Variants in SAMSN1 observed in about 807,000 individuals in gnomAD.
SAMSN1 encodes the protein SAM domain-containing protein SAMSN-1.
In SAMSN1, 31 loss-of-function variants were observed where a neutral mutation model predicts 42.0. The observed-to-expected ratio is 0.74, with a 90% CI of 0.55 to 1.00. The LOEUF (loss-of-function observed/expected upper bound fraction) is 1.00. Ranked by LOEUF, SAMSN1 falls within the 50% of genes least tolerant of loss-of-function variation. SAMSN1 has a pLI of 0.00. For synonymous variants in SAMSN1, 178 were observed against 151.9 expected, an observed-to-expected ratio of 1.17 and a Z score of -1.26; for missense variants, 464 against 439.4, an observed-to-expected ratio of 1.06 and a Z score of -0.50.
intron 2 of SAMSN1, among the ~76,000 whole-genome samples, chr21:14,626,913 A>G (rs373737425): frequency 6.6e-6 from 1 of 152,102 alleles, no homozygotes; most frequent in African/African-American, 2.4e-5. Context: ...TTAAGAAAAT[A>G]TGGCACATAT....
At chr21:14,559,826 A>G (rs977375020) in intron 2 of SAMSN1, among the ~76,000 whole-genome samples, 13 of 152,138 alleles carry the variant, frequency 8.5e-5, no homozygotes, top group Non-Finnish European at 1.3e-4. Flanking sequence ...TCTTTTAGGC[A>G]GACAGAGATA....
chr21:14,641,017 G>C (rs62227247), intron 2 of SAMSN1, among the ~76,000 whole-genome samples: 116,489 of 151,742 alleles, frequency 0.77, 45,206 homozygotes, highest in Middle Eastern at 0.89. Flanking sequence ...TTAAATGTGT[G>C]AGACATTTAA....
rs369316437 is a variant in SAMSN1 at position 14,571,735 on chromosome 21, C to T, written c.261+10401G>A. 2.0e-4 allele frequency among the ~76,000 whole-genome samples: 31 copies of T among 152,162 alleles called. 1 individual carries two copies. The South Asian group carries it at 3.9e-3, about 19-fold the overall frequency. On this transcript the variant is annotated intron_variant, in intron 2 of 8. Transcript: ENST00000285670. Reference sequence around the variant, plus strand: ...AGACACTGTCAATACAGTCACAATTCGGGAGGTCAGAAAAGGGCAACGGTG... The same window carrying T: ...AGACACTGTCAATACAGTCACAATTTGGGAGGTCAGAAAAGGGCAACGGTG...
chr21:14,598,825 A>G (rs1172703379), intron 6 of SAMSN1, among the ~76,000 whole-genome samples: 1 of 152,206 alleles, frequency 6.6e-6, no homozygotes, highest in Non-Finnish European at 1.5e-5. Flanking sequence ...AATGTTTTAC[A>G]TTCTACAAAC....
chr21:14,643,159 AG>A (rs1431029110), intron 1 of SAMSN1: 1 of 713,354 alleles, frequency 1.4e-6, no homozygotes, highest in Non-Finnish European at 2.6e-6. Flanking sequence ...TTATGAGTCA[AG>A]GAATAACAGA....
intron 6 of SAMSN1, among the ~76,000 whole-genome samples, chr21:14,601,534 CA>C (rs1982431178): frequency 6.6e-6 from 1 of 152,174 alleles, no homozygotes; most frequent in Non-Finnish European, 1.5e-5. Flanking sequence ...CTTGTTGACT[CA>C]TATATCCTCT....
At position 14,577,238 on chromosome 21, in the gene SAMSN1, GTATATATATA is replaced by G. The variant is rs767931839; in HGVS notation, c.261+4888_261+4897del. Among the ~76,000 whole-genome samples the G allele has an allele frequency of 2.3e-3, 66 of 28,176 alleles. 1 individual carries two copies. The East Asian group carries it at 0.032, about 13-fold the overall frequency. 18.5% of individuals were successfully genotyped at this position (28,176 alleles called of 152,430 possible). A position where few individuals can be genotyped will look rare whatever the true frequency, so the allele number is the denominator to read the frequency against. On this transcript the variant is annotated intron_variant, in intron 2 of 8. Transcript: ENST00000285670. ...GGTGGGCTAATTTATATATATGTGT[GTATATATATA>G]TATATATATATATATATATATATAT...
chr21:14,598,841 C>G (rs1302438024), intron 6 of SAMSN1, among the ~76,000 whole-genome samples: 1 of 152,034 alleles, frequency 6.6e-6, no homozygotes, highest in Non-Finnish European at 1.5e-5. Flanking sequence ...CAAACTTTAT[C>G]CCATGTTACT....
intron 7 of SAMSN1, among the ~76,000 whole-genome samples, chr21:14,497,473 A>G (rs907993549): frequency 6.6e-6 from 1 of 152,038 alleles, no homozygotes; most frequent in Non-Finnish European, 1.5e-5. Context: ...CATGCCTATA[A>G]TCTCAGCTAC....
chr21:14,581,175 T>C (rs966650208), intron 2 of SAMSN1, among the ~76,000 whole-genome samples: 8 of 151,796 alleles, frequency 5.3e-5, no homozygotes, highest in African/African-American at 1.9e-4. Flanking sequence ...TCTGCCCTCG[T>C]ATATGGAAAA....
chr21:14,603,301 C>T (rs1342042959), intron 5 of SAMSN1, among the ~76,000 whole-genome samples: 1 of 152,156 alleles, frequency 6.6e-6, no homozygotes, highest in Non-Finnish European at 1.5e-5. Context: ...AAAGTGGCCT[C>T]CTGTGTTCTA....
rs1983197511 is a variant in SAMSN1 at position 14,627,080 on chromosome 21, G to A, written c.157-11064C>T. Among the ~76,000 whole-genome samples the A allele has an allele frequency of 2.6e-5, 4 of 152,164 alleles. No individual in the cohort carries two copies. The South Asian group carries it at 8.3e-4, about 32-fold the overall frequency. ...CTCATAGGTGGGAATTGAACAATGA[G>A]AACACATGGACACAGGGTGAGGAAC... is the stretch of plus-strand genomic sequence containing the variant. On this transcript the variant is annotated intron_variant, in intron 2 of 15. Transcript: ENST00000647101.
upstream of SAMSN1, among the ~76,000 whole-genome samples, chr21:14,550,183 A>G (rs1980552628): frequency 6.6e-6 from 1 of 151,972 alleles, no homozygotes; most frequent in African/African-American, 2.4e-5. Context: ...GGCCTATGGG[A>G]GGAGTTAAGG....
intron 2 of SAMSN1, among the ~76,000 whole-genome samples, chr21:14,630,947 A>C (rs1025928278): frequency 1.3e-5 from 2 of 152,220 alleles, no homozygotes; most frequent in Non-Finnish European, 2.9e-5. Flanking sequence ...TTAGAATACC[A>C]ACTTGGGAGT....
chr21:14,556,812 A>G (rs1980776079), intron 2 of SAMSN1, among the ~76,000 whole-genome samples: 2 of 152,222 alleles, frequency 1.3e-5, no homozygotes, highest in African/African-American at 4.8e-5. Context: ...CTGCAACTCA[A>G]TTCTATTTTT....
intron 2 of SAMSN1, among the ~76,000 whole-genome samples, chr21:14,641,433 A>C (rs992476460): frequency 3.9e-5 from 6 of 152,164 alleles, no homozygotes; most frequent in African/African-American, 1.4e-4. Context: ...GTAAGCGCAA[A>C]ACTTAAAAGT....
chr21:14,593,713 C>T (rs550244721), intron 7 of SAMSN1: 6 of 223,214 alleles, frequency 2.7e-5, no homozygotes, highest in Non-Finnish European at 4.4e-5. Context: ...CAAAATCAGA[C>T]GACATGCTTT....
At chr21:14,593,494 G>T (rs1487991609) in intron 7 of SAMSN1, among the ~76,000 whole-genome samples, 1 of 152,056 alleles carries the variant, frequency 6.6e-6, no homozygotes, top group Middle Eastern at 3.2e-3. Flanking sequence ...GAAGGCAGTT[G>T]ATGTGATTTT....
rs1986411011 is a variant in SAMSN1, at chr21:14,485,888, A to C, written c.*24T>G. The stretch of plus-strand genomic sequence containing the variant: ...AAGAGTTAAAATGGAATGCATCTGT[A>C]GATATATAGTTGGGAATGCGTGTTC... On this transcript the variant is annotated 3_prime_UTR_variant, in exon 8 of 8. Coordinates refer to ENST00000400566, the MANE Select transcript of SAMSN1 (RefSeq NM_022136.5). 1 of 1,568,070 alleles carries C rather than the reference A, an allele frequency of 6.4e-7. No homozygotes were observed. The highest frequency in any genetic ancestry group is 1.3e-5 in the African/African-American group (1 of 74,076).
Sources: gnomAD v4.1 joint callset for allele counts (sites outside exome capture counted in the v4.1 genomes callset) on GRCh38, gnomAD v4.1.1 for gene constraint, MANE v1.5 for transcripts, NCBI Gene and HGNC (gene_info 2026-07-23, HGNC 2026-07-21) for gene names.